KAZN: variants seen among roughly 807,000 people sequenced by gnomAD.
The protein encoded by KAZN is kazrin, periplakin interacting protein.
KAZN carries 40 observed loss-of-function variants against 87.4 expected under a neutral mutation model. That is an observed-to-expected ratio of 0.46 (90% CI 0.36 to 0.60). The LOEUF (loss-of-function observed/expected upper bound fraction) is 0.60. Among genes scored for constraint, KAZN ranks in the 20% least tolerant of loss-of-function variants. KAZN has a pLI of 0.00. For synonymous variants in KAZN, 466 were observed against 458.3 expected (o/e 1.02, Z -0.22); for missense variants, 898 against 1,073.9 (o/e 0.84, Z 2.29).
chr1:14,552,775 G>A (rs1232180876), intron 2 of KAZN, among the ~76,000 whole-genome samples: 3 of 152,194 alleles, frequency 2.0e-5, no homozygotes, highest in African/African-American at 7.2e-5. Flanking sequence ...TTTACCATGA[G>A]TCAGGCAATG....
At chr1:14,465,464 G>A (rs1014066554) in intron 2 of KAZN, among the ~76,000 whole-genome samples, 1 of 150,770 alleles carries the variant, frequency 6.6e-6, no homozygotes, top group African/African-American at 2.4e-5. Context: ...TGGAAGTCTG[G>A]ATTCTGCTGT....
At chr1:14,508,551 G>A (rs988631751) in intron 2 of KAZN, among the ~76,000 whole-genome samples, 1 of 152,060 alleles carries the variant, frequency 6.6e-6, no homozygotes, top group Non-Finnish European at 1.5e-5. Context: ...ATAGTTTATG[G>A]CCTCATCATA....
chr1:14,687,677 C>T (rs147658083), intron 1 of KAZN, among the ~76,000 whole-genome samples: 278 of 152,262 alleles, frequency 1.8e-3, no homozygotes, highest in African/African-American at 6.6e-3. Context: ...CTCTGTGAGT[C>T]GTCACTAGCT....
chr1:15,054,395 G>T (rs976268828), intron 4 of KAZN, among the ~76,000 whole-genome samples: 3 of 152,042 alleles, frequency 2.0e-5, no homozygotes, highest in Non-Finnish European at 4.4e-5. Flanking sequence ...AAAAGAATGT[G>T]CATTAACACT....
chr1:14,025,907 A>G (rs1570557609), intron 1 of KAZN, among the ~76,000 whole-genome samples: 2 of 152,294 alleles, frequency 1.3e-5, no homozygotes, highest in East Asian at 3.9e-4. Flanking sequence ...TTTAGAGACT[A>G]TAGACTCTTC....
chr1:14,237,157 G>A (rs1648501681), intron 2 of KAZN, among the ~76,000 whole-genome samples: 1 of 152,232 alleles, frequency 6.6e-6, no homozygotes, highest in Non-Finnish European at 1.5e-5. Context: ...GGAGTGGCGA[G>A]TGTGAACACC....
chr1:14,647,365 T>G (rs942596220), intron 1 of KAZN, among the ~76,000 whole-genome samples: 5 of 152,344 alleles, frequency 3.3e-5, no homozygotes, highest in East Asian at 1.9e-4. Context: ...TAGCCCAGGA[T>G]AAAGATTGTG....
chr1:14,850,959 A>G (rs61773561), intron 1 of KAZN, among the ~76,000 whole-genome samples: 8,255 of 152,268 alleles, frequency 0.054, 330 homozygotes, highest in Admixed American at 0.11. Flanking sequence ...ACAGTACCTG[A>G]GAGACAGCAC....
At chr1:14,778,393 GAAAAAAA>G (rs34655175) in intron 1 of KAZN, among the ~76,000 whole-genome samples, 5 of 136,400 alleles carry the variant, frequency 3.7e-5, no homozygotes, top group Non-Finnish European at 8.0e-5. Context: ...TAACCCTTAA[GAAAAAAA>G]AAAAAAAAAA....
At chr1:14,526,767 C>T (rs868287825) in intron 2 of KAZN, among the ~76,000 whole-genome samples, 1 of 152,142 alleles carries the variant, frequency 6.6e-6, no homozygotes, top group Admixed American at 6.5e-5. Flanking sequence ...TAGTAAGGTA[C>T]AGATACTTCA....
At chr1:15,053,780 G>A (rs549267748) in intron 4 of KAZN, among the ~76,000 whole-genome samples, 5 of 152,372 alleles carry the variant, frequency 3.3e-5, no homozygotes, top group East Asian at 3.9e-4. Context: ...CACAGAGCGC[G>A]TGAGGGTGGC....
chr1:14,301,651 C>T (rs1282437734), intron 2 of KAZN, among the ~76,000 whole-genome samples: 7 of 152,212 alleles, frequency 4.6e-5, no homozygotes, highest in Non-Finnish European at 1.0e-4. Flanking sequence ...ATGCCAGCAG[C>T]AGGAAGCATG....
In KAZN at chr1:14,112,372, C is replaced by A. The variant is rs1314461029; in HGVS notation, c.92-68063C>A. Among the ~76,000 whole-genome samples, 4 of 80,030 alleles carry A rather than the reference C, an allele frequency of 5.0e-5. 1 individual carries two copies. Among genetic ancestry groups the A allele is most frequent in the Non-Finnish European group, 7.7e-5 (3 of 39,168 alleles). The allele number at this position is 80,030 out of a possible 152,430, so 52.5% of individuals were successfully genotyped here. ...TGACCATATGGTAGTGAGGACAAAC[C>A]CACCACCGTTACTTGGGTGAGGAGC... On this transcript the variant is annotated intron_variant, in intron 1 of 16. Transcript: ENST00000636203.
intron 1 of KAZN, among the ~76,000 whole-genome samples, chr1:13,963,759 CTGTGTGTGTGTGTGTGTGTGTGTG>C (rs70987708): frequency 1.4e-5 from 2 of 141,902 alleles, no homozygotes; most frequent in Admixed American, 6.9e-5. Context: ...CTGCTGTGGT[CTGTGTGTGTGTGTGTGTGTGTGTG>C]TGTGTGTGTG....
chr1:14,755,536 C>A (rs1396299480), intron 1 of KAZN, among the ~76,000 whole-genome samples: 4 of 152,148 alleles, frequency 2.6e-5, no homozygotes, highest in African/African-American at 7.2e-5. Flanking sequence ...TCTCCAGAAG[C>A]AACTAACATT....
At chr1:15,016,770 C>A (rs1225495242) in intron 2 of KAZN, among the ~76,000 whole-genome samples, 2 of 152,160 alleles carry the variant, frequency 1.3e-5, no homozygotes, top group African/African-American at 2.4e-5. Flanking sequence ...TTTGCACTTG[C>A]CCTTCCCTCT....
chr1:14,447,391 A>G (rs1235263322), intron 2 of KAZN, among the ~76,000 whole-genome samples: 1 of 151,746 alleles, frequency 6.6e-6, no homozygotes, highest in Non-Finnish European at 1.5e-5. Flanking sequence ...GGCGCCTGCC[A>G]CCACACCGGG....
At chr1:15,102,572 G>C (rs1434249748) in intron 11 of KAZN, among the ~76,000 whole-genome samples, 2 of 152,122 alleles carry the variant, frequency 1.3e-5, no homozygotes, top group African/African-American at 4.8e-5. Flanking sequence ...TTAGAGTGAT[G>C]TCAGAACCCA....
intron 2 of KAZN, among the ~76,000 whole-genome samples, chr1:14,313,197 A>G (rs1296067902): frequency 3.9e-5 from 6 of 152,130 alleles, no homozygotes; most frequent in South Asian, 2.1e-4. Flanking sequence ...GCTGTGCTCT[A>G]TACTTCATGG....
Sources: allele counts gnomAD v4.1 joint callset (sites outside exome capture counted in the v4.1 genomes callset), GRCh38; gene constraint gnomAD v4.1.1; transcripts MANE v1.5; gene names NCBI Gene and HGNC (gene_info 2026-07-23, HGNC 2026-07-21).